ESR2: variants seen among roughly 807,000 people sequenced by gnomAD.
The protein encoded by ESR2 is estrogen receptor beta.
A neutral mutation model predicts 49.6 loss-of-function variants in ESR2; 36 were observed. That is an observed-to-expected ratio of 0.73 (90% CI 0.56 to 0.96). The LOEUF (loss-of-function observed/expected upper bound fraction) is 0.96, where lower values mean the gene tolerates loss of function less well. Among genes scored for constraint, ESR2 ranks in the 40% least tolerant of loss-of-function variants. The pLI is 0.00. For missense variants in ESR2, 714 were observed against 693.0 expected (o/e 1.03, Z -0.34); for synonymous variants, 320 against 266.1 (o/e 1.20, Z -1.97).
At position 64,271,851 on chromosome 14, in the gene ESR2, G is replaced by A. The variant is rs139185774; in HGVS notation, c.536-2940C>T. On this transcript the variant is annotated intron_variant, in intron 3 of 8. Transcript: ENST00000341099. ...CCAAATCTTGGCTATTGTGAACAGC[G>A]CTGCAACAAACATGGGACTGCAGAC... Among the ~76,000 whole-genome samples, 28 of 152,312 alleles carry A rather than the reference G, an allele frequency of 1.8e-4. No individual in the cohort carries two copies. The East Asian group carries it at 2.7e-3, about 15-fold the overall frequency.
intron 4 of ESR2, among the ~76,000 whole-genome samples, chr14:64,267,513 G>GT (rs1423739279): frequency 2.6e-5 from 4 of 152,032 alleles, no homozygotes; most frequent in African/African-American, 9.7e-5. Flanking sequence ...ATAGCTGAGG[G>GT]TTCTAATCTG....
intron 6 of ESR2, among the ~76,000 whole-genome samples, chr14:64,250,997 G>C (rs1282502662): frequency 4.6e-5 from 7 of 152,134 alleles, no homozygotes; most frequent in Admixed American, 4.6e-4. Flanking sequence ...TAAGTACACA[G>C]GTTAAGTGAC....
intron 6 of ESR2, among the ~76,000 whole-genome samples, chr14:64,253,560 T>TTGTGTGTGTGTGTGTGTGTGTGTGTG (rs752711685): frequency 1.5e-5 from 2 of 136,544 alleles, no homozygotes; most frequent in Admixed American, 7.6e-5. Context: ...GGTACACTAT[T>TTGTGTGTGTGTGTGTGTGTGTGTGTG]TGTGTGTGTG....
chr14:64,322,938 T>C (rs1030414241), intron 1 of ESR2, among the ~76,000 whole-genome samples: 13 of 152,184 alleles, frequency 8.5e-5, no homozygotes, highest in African/African-American at 3.1e-4. Context: ...TACTATAGAA[T>C]ATTATACAGT....
At chr14:64,228,033 G>C, downstream of ESR2, 2 of 1,480,456 alleles carry the variant, frequency 1.4e-6, no homozygotes, top group Middle Eastern at 1.8e-4. Flanking sequence ...CATTTTACTT[G>C]TATACACAGG....
At chr14:64,305,458 C>A (rs1222305498) in intron 1 of ESR2, among the ~76,000 whole-genome samples, 2 of 151,706 alleles carry the variant, frequency 1.3e-5, no homozygotes, top group Admixed American at 6.6e-5. Flanking sequence ...ATCACGAGGT[C>A]AGGAGATCGA....
At chr14:64,302,238 G>C (rs2077031675) in intron 1 of ESR2, among the ~76,000 whole-genome samples, 1 of 151,158 alleles carries the variant, frequency 6.6e-6, no homozygotes, top group Admixed American at 6.6e-5. Flanking sequence ...CCAGGCTGGA[G>C]TGCAGTGGCG....
intron 6 of ESR2, among the ~76,000 whole-genome samples, chr14:64,253,405 T>G (rs2076028038): frequency 6.6e-6 from 1 of 150,914 alleles, no homozygotes; most frequent in Non-Finnish European, 1.5e-5. Context: ...TGCTCAGGCT[T>G]GTCTCGAACT....
At chr14:64,234,576 C>T (rs1331250696) in intron 8 of ESR2, 3 of 272,208 alleles carry the variant, frequency 1.1e-5, no homozygotes, top group East Asian at 6.5e-5. Context: ...ATCACCAGCT[C>T]GAGGGGCCAT....
chr14:64,255,201 T>C (rs768558128), intron 6 of ESR2, among the ~76,000 whole-genome samples: 2 of 152,038 alleles, frequency 1.3e-5, no homozygotes, highest in African/African-American at 4.8e-5. Context: ...AGACAAAAGA[T>C]AAAATAATCC....
rs746299554 is a variant in ESR2 at position 64,260,486 on chromosome 14, C to T, written c.915G>A (p.Glu305=). The change falls in exon 5 of 9, where the codon GAG becomes GAA. Residue 305 remains glutamate, a synonymous_variant. Coordinates refer to ENST00000341099, the MANE Select transcript of ESR2 (RefSeq NM_001437.3). ...MMSLTKLADK[E]LVHMISWAKK... is the part of the protein sequence containing the mutation. ...TGGCCCAGCTGATCATGTGTACCAACTCCTTGTCGGCCAACTTGGTCAGGG... is the reference window on the plus strand; with the variant it reads ...TGGCCCAGCTGATCATGTGTACCAATTCCTTGTCGGCCAACTTGGTCAGGG... 5.9e-6 allele frequency: 9 copies of T among 1,531,228 alleles called. No individual in the cohort carries two copies. The highest frequency in any genetic ancestry group is 4.3e-5 in the Admixed American group (2 of 47,052). The allele number at this position is 1,531,228 out of a possible 1,614,324, so 94.9% of individuals were successfully genotyped here.
chr14:64,312,281 G>A (rs992759766), intron 1 of ESR2, among the ~76,000 whole-genome samples: 2 of 152,096 alleles, frequency 1.3e-5, no homozygotes, highest in Non-Finnish European at 2.9e-5. Flanking sequence ...GAACAAGCAT[G>A]AAATTAGGAA....
chr14:64,270,334 C>T (rs1335065526), intron 3 of ESR2, among the ~76,000 whole-genome samples: 1 of 152,008 alleles, frequency 6.6e-6, no homozygotes, highest in African/African-American at 2.4e-5. Flanking sequence ...GAGGACTGTC[C>T]CACCTCTGCA....
At chr14:64,298,014 A>G (rs973585919), upstream of ESR2, among the ~76,000 whole-genome samples, 1 of 152,204 alleles carries the variant, frequency 6.6e-6, no homozygotes, top group African/African-American at 2.4e-5. Context: ...AACGTGCAAT[A>G]ACACCTTTTT....
chr14:64,227,840 A>G, downstream of ESR2: 2 of 1,588,442 alleles, frequency 1.3e-6, no homozygotes, highest in Non-Finnish European at 1.7e-6. Flanking sequence ...TATCGTCTGC[A>G]AATCTTTCAT....
chr14:64,252,892 G>A (rs550084995), intron 6 of ESR2, among the ~76,000 whole-genome samples: 27 of 151,918 alleles, frequency 1.8e-4, no homozygotes, highest in South Asian at 1.0e-3. Flanking sequence ...GTCTCACCCC[G>A]ATGCCCAGAC....
chr14:64,286,001 A>G (rs754479401), intron 1 of ESR2, among the ~76,000 whole-genome samples: 1 of 152,204 alleles, frequency 6.6e-6, no homozygotes, highest in Non-Finnish European at 1.5e-5. Flanking sequence ...CAAGGACATT[A>G]AAGATGGGGG....
At chr14:64,311,574 C>G (rs574839177) in intron 1 of ESR2, among the ~76,000 whole-genome samples, 1 of 148,684 alleles carries the variant, frequency 6.7e-6, no homozygotes, top group Admixed American at 6.9e-5. Flanking sequence ...ACCTGGGAGG[C>G]AGAGGTTGCA....
At chr14:64,325,541 A>G (rs1056171733) in intron 1 of ESR2, among the ~76,000 whole-genome samples, 3 of 152,224 alleles carry the variant, frequency 2.0e-5, no homozygotes, top group African/African-American at 4.8e-5. Context: ...ATTGTAAATT[A>G]TGAATATTCC....
Sources: allele counts gnomAD v4.1 joint callset (sites outside exome capture counted in the v4.1 genomes callset), GRCh38; gene constraint gnomAD v4.1.1; transcripts MANE v1.5; gene names NCBI Gene and HGNC (gene_info 2026-07-23, HGNC 2026-07-21).